Variants in PARD3B observed in about 807,000 individuals in gnomAD.
PARD3B encodes the protein partitioning defective 3 homolog B.
Under a neutral mutation model 130.2 loss-of-function variants are expected in PARD3B, and 103 were observed. That is an observed-to-expected ratio of 0.79 (90% CI 0.67 to 0.93). The LOEUF (loss-of-function observed/expected upper bound fraction) is 0.93, where lower values mean the gene tolerates loss of function less well. PARD3B is among the 40% of genes least tolerant of loss of function. PARD3B has a pLI of 0.00. For missense variants in PARD3B, 1,609 were observed against 1,499.2 expected (o/e 1.07, Z -1.21); for synonymous variants, 583 against 553.2 (o/e 1.05, Z -0.76).
chr2:204,760,765 G>A (rs940176644), intron 2 of PARD3B, among the ~76,000 whole-genome samples: 1 of 152,064 alleles, frequency 6.6e-6, no homozygotes, highest in Admixed American at 6.6e-5. Flanking sequence ...ACTTTTCGTA[G>A]GTGAAAGTAC....
rs3036396 is a variant in PARD3B, at chr2:204,729,998, AACACACAC to A, written c.222+43746_222+43753del. Among the ~76,000 whole-genome samples the A allele has an allele frequency of 5.6e-3, 795 of 141,458 alleles. 2 individuals carry two copies. Among genetic ancestry groups the A allele is most frequent in the African/African-American group, 0.012 (469 of 38,574 alleles). The allele number at this position is 141,458 out of a possible 152,430, so 92.8% of individuals were successfully genotyped here. On this transcript the variant is annotated intron_variant, in intron 2 of 22. Coordinates refer to ENST00000406610, the MANE Select transcript of PARD3B (RefSeq NM_001302769.2). ...CTAGTTACAGATACACACACACACA[AACACACAC>A]ACACACACACACACACACACACACA...
chr2:205,381,550 C>T (rs2541145), intron 18 of PARD3B, among the ~76,000 whole-genome samples: 32,521 of 151,500 alleles, frequency 0.21, 3,997 homozygotes, highest in African/African-American at 0.33. Context: ...CATTTCTGCT[C>T]GTCATCTTTA....
At position 204,967,749 on chromosome 2, in the gene PARD3B, C is replaced by T. The variant is rs1272581524; in HGVS notation, c.394+2426C>T. ...CAGCCAGCTTTGGTCTCCACCCATTCTGTTTTCCTGTTGTTGGCTCCGGGG... is the reference window on the plus strand; with the variant it reads ...CAGCCAGCTTTGGTCTCCACCCATTTTGTTTTCCTGTTGTTGGCTCCGGGG... On this transcript the variant is annotated intron_variant, in intron 3 of 22. Transcript: ENST00000406610. This position sits in a 1 kb window ranked among gnomAD's most constrained non-coding sequence, Gnocchi z 4.4. Among the ~76,000 whole-genome samples the T allele has an allele frequency of 6.6e-6, 1 of 152,196 alleles. No homozygotes were observed. The highest frequency in any genetic ancestry group is 2.4e-5 in the African/African-American group (1 of 41,440).
At chr2:204,789,584 C>G (rs1039610476) in intron 2 of PARD3B, among the ~76,000 whole-genome samples, 1 of 152,172 alleles carries the variant, frequency 6.6e-6, no homozygotes, top group Non-Finnish European at 1.5e-5. Flanking sequence ...GATTTTAATT[C>G]TGCAATGAAG....
intron 13 of PARD3B, among the ~76,000 whole-genome samples, chr2:205,179,100 G>A (rs1055526458): frequency 6.6e-6 from 1 of 152,054 alleles, no homozygotes; most frequent in African/African-American, 2.4e-5. Context: ...GCTAATGTGT[G>A]TTTGTGTCTC....
chr2:204,592,376 A>G (rs1389439361), intron 1 of PARD3B, among the ~76,000 whole-genome samples: 3 of 152,218 alleles, frequency 2.0e-5, no homozygotes, highest in Non-Finnish European at 4.4e-5. Flanking sequence ...AACAAGAGGT[A>G]CTTTTTATGT....
At chr2:205,365,835 T>C (rs1559706750) in intron 18 of PARD3B, among the ~76,000 whole-genome samples, 1 of 152,184 alleles carries the variant, frequency 6.6e-6, no homozygotes, top group Non-Finnish European at 1.5e-5. Context: ...TAATAAACTC[T>C]GTTGAAGAAA....
At chr2:205,076,050 T>A (rs990589019) in intron 4 of PARD3B, among the ~76,000 whole-genome samples, 1 of 152,160 alleles carries the variant, frequency 6.6e-6, no homozygotes, top group Admixed American at 6.6e-5. Flanking sequence ...ATCCTGTGTC[T>A]TATGAGAACT....
At chr2:204,806,128 G>GA (rs528362483) in intron 2 of PARD3B, among the ~76,000 whole-genome samples, 252 of 148,664 alleles carry the variant, frequency 1.7e-3, no homozygotes, top group South Asian at 0.014. Context: ...AAAAAATAGG[G>GA]AAAAAAAAAA....
chr2:205,040,374 G>A (rs991944504), intron 3 of PARD3B, among the ~76,000 whole-genome samples: 3 of 152,170 alleles, frequency 2.0e-5, no homozygotes, highest in African/African-American at 4.8e-5. Flanking sequence ...AGAAAAGGGG[G>A]AGCAGCTTCT....
At chr2:205,381,226 TA>T (rs1295131788) in intron 18 of PARD3B, among the ~76,000 whole-genome samples, 2 of 126,710 alleles carry the variant, frequency 1.6e-5, no homozygotes, top group Non-Finnish European at 3.1e-5. Context: ...ATATATTATA[TA>T]TAATATATAT....
intron 3 of PARD3B, among the ~76,000 whole-genome samples, chr2:205,044,794 C>G (rs758741288): frequency 8.5e-5 from 13 of 152,106 alleles, no homozygotes; most frequent in Non-Finnish European, 1.5e-4. Context: ...TGTGCAGAAG[C>G]TCTTTAGTTT....
rs116049776 is a variant in PARD3B, at chr2:204,786,682, A to C, written c.222+100400A>C. 3.2e-3 allele frequency among the ~76,000 whole-genome samples: 484 copies of C among 151,370 alleles called. 3 individuals are homozygous for C. The highest frequency in any genetic ancestry group is 0.011 in the African/African-American group (457 of 41,232). ...AGGTTGGATTTCCTTTTTTAACTTA[A>C]ATAAAAATCATTAACACTGATTTTC... On this transcript the variant is annotated intron_variant, in intron 2 of 22. Coordinates refer to ENST00000406610, the MANE Select transcript of PARD3B (RefSeq NM_001302769.2).
chr2:205,057,965 T>C (rs1018213678), intron 4 of PARD3B, among the ~76,000 whole-genome samples: 2 of 151,746 alleles, frequency 1.3e-5, no homozygotes, highest in Non-Finnish European at 2.9e-5. Context: ...AGTTCCATGG[T>C]ATAAGTACAT....
At chr2:204,981,124 G>A (rs555987976) in intron 3 of PARD3B, among the ~76,000 whole-genome samples, 2 of 152,248 alleles carry the variant, frequency 1.3e-5, no homozygotes, top group East Asian at 3.9e-4. Context: ...AGCCTGTGAA[G>A]TAACTAAACC....
intron 3 of PARD3B, among the ~76,000 whole-genome samples, chr2:205,005,308 G>A (rs1010799979): frequency 4.6e-5 from 7 of 152,206 alleles, no homozygotes; most frequent in Admixed American, 1.3e-4. Flanking sequence ...CTGGGAAAGT[G>A]AGGATGAAGA....
chr2:205,176,457 T>A lies in PARD3B; in HGVS notation c.1804T>A (p.Cys602Ser). 1 of 1,608,360 alleles carries A rather than the reference T, an allele frequency of 6.2e-7. No homozygotes were observed. Among genetic ancestry groups the A allele is most frequent in the Non-Finnish European group, 8.5e-7 (1 of 1,178,112 alleles). The stretch of plus-strand genomic sequence containing the variant: ...TTTTATCTCTTAGGATCCTGCAGAG[T>A]GTGGGGCATTTTCCAAGCCATGCTT... ...PERPMEDPAE[C>S]GAFSKPCFEN... The change falls in exon 13 of 23, where the codon TGT becomes AGT. Residue 602 changes from cysteine (C) to serine (S), a missense_variant. Cys to Ser is a moderately radical substitution (Grantham distance 112). Coordinates refer to ENST00000406610, the MANE Select transcript of PARD3B (RefSeq NM_001302769.2). The surrounding 1 kb of genome is among the most constrained non-coding windows in gnomAD (Gnocchi z 5.3).
chr2:205,317,745 A>G (rs1053618327), intron 18 of PARD3B, among the ~76,000 whole-genome samples: 2 of 152,214 alleles, frequency 1.3e-5, no homozygotes, highest in African/African-American at 4.8e-5. Context: ...TTTTAATGCT[A>G]CAAATTTAAA....
chr2:205,452,378 A>G (rs953236790), intron 20 of PARD3B, among the ~76,000 whole-genome samples: 6 of 152,200 alleles, frequency 3.9e-5, no homozygotes, highest in African/African-American at 1.2e-4. Flanking sequence ...AGGGACTTGA[A>G]CAGTGAATAC....
Sources: gnomAD v4.1 joint callset for allele counts (sites outside exome capture counted in the v4.1 genomes callset) on GRCh38, gnomAD v4.1.1 for gene constraint, Gnocchi (gnomAD v3.1) non-coding constraint, MANE v1.5 for transcripts, NCBI Gene and HGNC (gene_info 2026-07-23, HGNC 2026-07-21) for gene names.